The following YTHDC2 variants were observed in gnomAD, a reference collection of about 807,000 sequenced individuals.
The protein encoded by YTHDC2 is YTH N6-methyladenosine RNA binding protein C2.
YTHDC2 carries 45 observed loss-of-function variants against 174.9 expected under a neutral mutation model. The observed-to-expected ratio is 0.26, with a 90% CI of 0.20 to 0.33. The LOEUF is 0.33. YTHDC2 is among the 10% of genes least tolerant of loss of function. YTHDC2 has a pLI of 1.00. For missense variants in YTHDC2, 1,650 were observed against 1,723.7 expected (o/e 0.96, Z 0.76); for synonymous variants, 657 against 574.5 (o/e 1.14, Z -2.05).
At position 113,590,663 on chromosome 5, in the gene YTHDC2, A is replaced by G. The variant is rs186165811; in HGVS notation, c.3826-378A>G. On this transcript the variant is annotated intron_variant, in intron 26 of 29. Coordinates refer to ENST00000161863, the MANE Select transcript of YTHDC2 (RefSeq NM_022828.5). ...GTGTCTTTCTGCACAACTTAATGAG[A>G]CCACTGGACTCTGTTTTTCTTTGTC... Among the ~76,000 whole-genome samples the G allele has an allele frequency of 1.3e-3, 197 of 152,272 alleles. 3 individuals carry two copies. Among genetic ancestry groups the G allele is most frequent in the Admixed American group, 0.011 (172 of 15,278 alleles).
chr5:113,576,647 G>A (rs752592532), intron 23 of YTHDC2, among the ~76,000 whole-genome samples: 9 of 151,846 alleles, frequency 5.9e-5, no homozygotes, highest in Non-Finnish European at 1.2e-4. Context: ...TTTTATTTCT[G>A]TCAAAAAGAA....
intron 10 of YTHDC2, among the ~76,000 whole-genome samples, chr5:113,547,498 T>G (rs1775961204): frequency 6.6e-6 from 1 of 152,120 alleles, no homozygotes; most frequent in Admixed American, 6.5e-5. Context: ...ACTATGGACT[T>G]TGGTTGATGT....
At chr5:113,552,702 G>T (rs187904250) in intron 12 of YTHDC2, among the ~76,000 whole-genome samples, 1 of 151,926 alleles carries the variant, frequency 6.6e-6, no homozygotes, top group Non-Finnish European at 1.5e-5. Context: ...GGGGCATATG[G>T]TAACTCTATG....
chr5:113,530,325 A>G (rs1580498004), intron 4 of YTHDC2, among the ~76,000 whole-genome samples: 1 of 151,932 alleles, frequency 6.6e-6, no homozygotes, highest in Non-Finnish European at 1.5e-5. Flanking sequence ...GTCTATTTCT[A>G]AAATTTTTCT....
At chr5:113,591,669 T>C in intron 27 of YTHDC2, among the ~76,000 whole-genome samples, 1 of 152,244 alleles carries the variant, frequency 6.6e-6, no homozygotes, top group Non-Finnish European at 1.5e-5. Context: ...TTATTTGATG[T>C]TTATTATAAT....
chr5:113,540,831 T>C, intron 8 of YTHDC2, 137 bp from the exon 9 acceptor site: 2 of 712,626 alleles, frequency 2.8e-6, no homozygotes, highest in Non-Finnish European at 4.4e-6. Flanking sequence ...ATATTCTTAA[T>C]ATATTTTTTA....
chr5:113,531,045 A>G (rs1009589752), intron 4 of YTHDC2, among the ~76,000 whole-genome samples: 2 of 152,184 alleles, frequency 1.3e-5, no homozygotes, highest in Non-Finnish European at 2.9e-5. Flanking sequence ...ACTTGGATGT[A>G]ATTCTTACCT....
rs746089399 is a variant in YTHDC2 at position 113,563,360 on chromosome 5, T to C, written c.2323-13T>C. 6.3e-7 allele frequency: 1 copy of C among 1,596,548 alleles called. No individual in the cohort carries two copies. Among genetic ancestry groups the C allele is most frequent in the East Asian group, 2.2e-5 (1 of 44,616 alleles). On this transcript the variant is annotated splice_polypyrimidine_tract_variant and intron_variant, in intron 18 of 29. Coordinates refer to ENST00000161863, the MANE Select transcript of YTHDC2 (RefSeq NM_022828.5). ...TTTAATTTTAAAAAATTATTTACTG[T>C]TTTGGTTTATAGGAACTTTGCTTAC...
Position 113,579,637 on chromosome 5 carries a change from C to G in YTHDC2, c.3296C>G (p.Thr1099Arg). The change falls in exon 24 of 30, where the codon ACA becomes AGA. Residue 1099 changes from threonine (T) to arginine (R), a missense_variant. Physicochemically the swap from Thr to Arg is moderately conservative, Grantham distance 71. Around this residue, in one of 5 missense-constraint regions of YTHDC2, gnomAD observed 913 missense variants for 940.4 expected, o/e 0.97. Transcript: ENST00000161863. Reference protein sequence around the residue: ...SSDSEMEDKTTANLAALKLDE... With the variant: ...SSDSEMEDKTRANLAALKLDE... ...GATAGTGAAATGGAGGACAAAACTA[C>G]AGCTAATTTGGCAGCCTTGAAACTT... The G allele has an allele frequency of 6.2e-7, 1 of 1,610,774 alleles. No individual in the cohort carries two copies. Among genetic ancestry groups the G allele is most frequent in the East Asian group, 2.2e-5 (1 of 44,592 alleles).
intron 10 of YTHDC2, among the ~76,000 whole-genome samples, chr5:113,546,141 A>G (rs996947359): frequency 6.6e-6 from 1 of 152,204 alleles, no homozygotes; most frequent in African/African-American, 2.4e-5. Flanking sequence ...TTTAAAAAAT[A>G]TTTACTCTGA....
At position 113,541,017 on chromosome 5, in the gene YTHDC2, T is replaced by C. The variant is rs768842515; in HGVS notation, c.1260T>C (p.Asn420=). Residue 420 remains asparagine (N), a synonymous_variant, in exon 9 of 30, where the codon AAT becomes AAC. Coordinates refer to ENST00000161863, the MANE Select transcript of YTHDC2 (RefSeq NM_022828.5). ...CAGAATGGTACTCAGCTCAAGAAAATAGTTTCAAGCCTGAATCTCAGAGGC... is the reference window on the plus strand; with the variant it reads ...CAGAATGGTACTCAGCTCAAGAAAACAGTTTCAAGCCTGAATCTCAGAGGC... ...TLTEWYSAQE[N]SFKPESQRQR... 6.2e-7 allele frequency: 1 copy of C among 1,613,926 alleles called. No individual in the cohort carries two copies. The highest frequency in any genetic ancestry group is 1.1e-5 in the South Asian group (1 of 91,078).
rs75634072 is a variant in YTHDC2, at chr5:113,580,546, T to G, written c.3354+851T>G. 5.9e-3 allele frequency among the ~76,000 whole-genome samples: 897 copies of G among 152,282 alleles called. 8 individuals are homozygous for G. The highest frequency in any genetic ancestry group is 0.021 in the African/African-American group (870 of 41,544). On this transcript the variant is annotated intron_variant, in intron 24 of 29. Coordinates refer to ENST00000161863, the MANE Select transcript of YTHDC2 (RefSeq NM_022828.5). ...TTGGGAGGCGTCAAGCTGTCAATAG[T>G]TAACACTGGCTAGGTTTACTATTTT...
chr5:113,568,546 C>A (rs1180520721), intron 23 of YTHDC2, among the ~76,000 whole-genome samples: 1 of 152,132 alleles, frequency 6.6e-6, no homozygotes, highest in Non-Finnish European at 1.5e-5. Flanking sequence ...CCCAGTAGGC[C>A]CCAGTGTGTG....
chr5:113,592,034 G>A lies in YTHDC2; in HGVS notation c.4068G>A (p.Lys1356=). 1.2e-6 allele frequency: 2 copies of A among 1,611,348 alleles called. No individual in the cohort carries two copies. The highest frequency in any genetic ancestry group is 4.5e-5 in the East Asian group (2 of 44,786). The part of the protein sequence containing the change: ...SRMSSEIGRE[K]SQDWGSAGLG... ...TGTCTTCTGAGATTGGAAGGGAAAA[G>A]AGTCAGGACTGGGGCTCTGCTGGAC... Residue 1356 remains lysine (K), a synonymous_variant, in exon 28 of 30, where the codon AAG becomes AAA. Transcript: ENST00000161863.
At chr5:113,541,525 G>T (rs187417891) in intron 9 of YTHDC2, among the ~76,000 whole-genome samples, 2 of 152,066 alleles carry the variant, frequency 1.3e-5, no homozygotes, top group Admixed American at 1.3e-4. Context: ...TAATTGAATG[G>T]TAATTCTCTT....
At chr5:113,530,985 GCC>G (rs933679723) in intron 4 of YTHDC2, among the ~76,000 whole-genome samples, 1 of 151,876 alleles carries the variant, frequency 6.6e-6, no homozygotes, top group Admixed American at 6.6e-5. Context: ...TTTTCTTCCC[GCC>G]CCCCAACTCC....
intron 23 of YTHDC2, among the ~76,000 whole-genome samples, chr5:113,576,765 C>A (rs7729214): frequency 6.6e-6 from 1 of 151,668 alleles, no homozygotes; most frequent in African/African-American, 2.4e-5. Context: ...TGAATGATAG[C>A]GTTATAATTT....
chr5:113,549,059 C>T (rs2112654197), intron 12 of YTHDC2, 39 bp downstream of exon 12: 1 of 1,514,538 alleles, frequency 6.6e-7, no homozygotes. Flanking sequence ...TCTACCGTCT[C>T]TTAAAAAAGA....
At chr5:113,583,364 A>G (rs2112798445) in intron 25 of YTHDC2, 1 of 152,368 alleles carries the variant, frequency 6.6e-6, no homozygotes, top group East Asian at 1.9e-4. Flanking sequence ...TAAATCAACT[A>G]GGTGAAATGT....
Sources: gnomAD v4.1 joint callset for allele counts (sites outside exome capture counted in the v4.1 genomes callset) on GRCh38, gnomAD v4.1.1 for gene constraint, gnomAD v4.1.1 regional missense constraint, MANE v1.5 for transcripts, NCBI Gene and HGNC (gene_info 2026-07-23, HGNC 2026-07-21) for gene names.